JHY: variants seen among roughly 807,000 people sequenced by gnomAD.
JHY encodes the protein junctional cadherin complex regulator.
Under a neutral mutation model 78.0 loss-of-function variants are expected in JHY, and 69 were observed. The observed-to-expected ratio is 0.88, with a 90% CI of 0.73 to 1.08. The LOEUF (loss-of-function observed/expected upper bound fraction) is 1.08. Among genes scored for constraint, JHY ranks in the 50% least tolerant of loss-of-function variants. The pLI is 0.00. For missense variants in JHY, 944 were observed against 927.8 expected (o/e 1.02, Z -0.23); for synonymous variants, 368 against 342.6 (o/e 1.07, Z -0.82).
At chr11:122,896,738 G>T (rs2135293844) in intron 2 of JHY, among the ~76,000 whole-genome samples, 1 of 152,354 alleles carries the variant, frequency 6.6e-6, no homozygotes, top group African/African-American at 2.4e-5. Context: ...GACTGAATGT[G>T]ACGTACAGCA....
At chr11:122,926,698 A>C (rs1186159596) in intron 4 of JHY, among the ~76,000 whole-genome samples, 1 of 152,236 alleles carries the variant, frequency 6.6e-6, no homozygotes, top group East Asian at 1.9e-4. Flanking sequence ...GAAATACCTT[A>C]AGATTTGCCA....
rs879432982 is a variant in JHY, at chr11:122,892,326, A to AT, written c.344+6147dup. ...AAAAAAGGGACTCATAATAATCTGC[A>AT]TTTTTTTTTTTTTTGAGATGGAGTC... is the stretch of plus-strand genomic sequence containing the variant. On this transcript the variant is annotated intron_variant, in intron 2 of 8. Coordinates refer to ENST00000227349, the MANE Select transcript of JHY (RefSeq NM_024806.4). Among the ~76,000 whole-genome samples the AT allele has an allele frequency of 1.0e-4, 15 of 146,594 alleles. No homozygotes were observed. In the South Asian group the frequency reaches 2.7e-3, roughly 27 times the overall value.
At chr11:122,899,267 T>C (rs2135298119) in intron 2 of JHY, among the ~76,000 whole-genome samples, 1 of 152,342 alleles carries the variant, frequency 6.6e-6, no homozygotes, top group Admixed American at 6.5e-5. Flanking sequence ...ATTAAGAAAG[T>C]TAAATTCAGT....
At chr11:122,890,681 T>G (rs1350071033) in intron 2 of JHY, among the ~76,000 whole-genome samples, 4 of 152,218 alleles carry the variant, frequency 2.6e-5, no homozygotes, top group Admixed American at 6.5e-5. Flanking sequence ...TACAATCTAA[T>G]ATGTTTCAAA....
At chr11:122,920,647 A>G (rs956480967) in intron 3 of JHY, among the ~76,000 whole-genome samples, 1 of 152,148 alleles carries the variant, frequency 6.6e-6, no homozygotes. Flanking sequence ...AGCTGTACTC[A>G]ATCTGAGTTG....
chr11:122,946,829 A>G (rs1179453798), intron 6 of JHY, 37 bp downstream of exon 6: 8 of 1,568,346 alleles, frequency 5.1e-6, no homozygotes, highest in Non-Finnish European at 6.9e-6. Context: ...TAACTCTTCC[A>G]TTTTGAGAAT....
intron 3 of JHY, among the ~76,000 whole-genome samples, chr11:122,909,825 T>A (rs908489644): frequency 6.6e-6 from 1 of 152,136 alleles, no homozygotes; most frequent in Admixed American, 6.6e-5. Context: ...TAGAGCGTGC[T>A]AAGATCAGTG....
At chr11:122,933,174 A>G (rs1442547241) in intron 4 of JHY, among the ~76,000 whole-genome samples, 1 of 152,238 alleles carries the variant, frequency 6.6e-6, no homozygotes, top group Non-Finnish European at 1.5e-5. Context: ...GAAAAGAGAA[A>G]TCAAAGCTGA....
chr11:122,904,285 T>G lies in JHY; in HGVS notation c.705T>G (p.His235Gln), dbSNP rs1315781783. 1 of 1,614,106 alleles carries G rather than the reference T, an allele frequency of 6.2e-7. No homozygotes were observed. The highest frequency in any genetic ancestry group is 8.5e-7 in the Non-Finnish European group (1 of 1,180,018). The change falls in exon 3 of 9, where the codon CAT becomes CAG. Residue 235 changes from histidine (H) to glutamine (Q), a missense_variant. Physicochemically the swap from His to Gln is conservative, Grantham distance 24 (BLOSUM62 0). Coordinates refer to ENST00000227349, the MANE Select transcript of JHY (RefSeq NM_024806.4). The part of the protein sequence containing the change: ...LSPYVKSSSS[H>Q]NEVFLPGSRG... Reference sequence around the variant, plus strand: ...CGTACGTGAAGAGCTCAAGTTCACATAACGAGGTTTTCCTGCCGGGATCAC... The same window carrying G: ...CGTACGTGAAGAGCTCAAGTTCACAGAACGAGGTTTTCCTGCCGGGATCAC...
intron 6 of JHY, 64 bp downstream of exon 6, chr11:122,946,856 G>A: frequency 6.5e-7 from 1 of 1,531,388 alleles, no homozygotes; most frequent in South Asian, 1.3e-5. Context: ...GGACCTTGAT[G>A]TAATTATAGC....
In JHY at chr11:122,946,621, G is replaced by C. The variant is rs141025437; in HGVS notation, c.1758G>C (p.Gly586=). 1.4e-3 allele frequency: 2,213 copies of C among 1,614,086 alleles called. 4 individuals are homozygous for C. The highest frequency in any genetic ancestry group is 1.7e-3 in the Non-Finnish European group (2,026 of 1,180,020). The part of the protein sequence containing the change: ...VQLTDVQPSE[G]ALSSVTLPPI... Reference sequence around the variant, plus strand: ...TGACCGACGTGCAGCCCAGTGAAGGGGCCTTATCCAGCGTCACGCTTCCAC... The same window carrying C: ...TGACCGACGTGCAGCCCAGTGAAGGCGCCTTATCCAGCGTCACGCTTCCAC... Residue 586 remains glycine, a synonymous_variant, in exon 6 of 9, where the codon GGG becomes GGC. Transcript: ENST00000227349.
intron 3 of JHY, among the ~76,000 whole-genome samples, chr11:122,923,616 A>G (rs1015700779): frequency 6.6e-6 from 1 of 152,226 alleles, no homozygotes; most frequent in African/African-American, 2.4e-5. Flanking sequence ...TAAATAACTT[A>G]GGAACCTAAA....
intron 8 of JHY, 64 bp downstream of exon 8, chr11:122,957,555 GC>G: frequency 4.1e-6 from 4 of 982,098 alleles, no homozygotes; most frequent in South Asian, 1.7e-5. Flanking sequence ...TTTTATTATC[GC>G]TTTTTTTTTT....
chr11:122,929,412 C>T (rs1419954111), intron 4 of JHY, among the ~76,000 whole-genome samples: 1 of 152,060 alleles, frequency 6.6e-6, no homozygotes, highest in Non-Finnish European at 1.5e-5. Flanking sequence ...CCATAGGAGT[C>T]AGTATCTCAG....
Position 122,956,164 on chromosome 11 carries a change from A to T in JHY, c.1930-332A>T, listed in dbSNP as rs560313801. Among the ~76,000 whole-genome samples the T allele has an allele frequency of 2.6e-3, 398 of 151,862 alleles. 1 individual carries two copies. Among genetic ancestry groups the T allele is most frequent in the African/African-American group, 7.2e-3 (295 of 41,240 alleles). On this transcript the variant is annotated intron_variant, in intron 6 of 8. Transcript: ENST00000227349. Reference sequence around the variant, plus strand: ...GCAAAACCAGGTATCTCCAAAAAAAAAAAAATAAAATAAAAAACATTCGTA... The same window carrying T: ...GCAAAACCAGGTATCTCCAAAAAAATAAAAATAAAATAAAAAACATTCGTA...
Position 122,963,064 on chromosome 11 carries a change from T to G in JHY, c.*3619T>G, listed in dbSNP as rs1286939404. On this transcript the variant is annotated 3_prime_UTR_variant, in exon 9 of 9. Transcript: ENST00000227349. ...TAATAGTTTTTTAGCATGTACAATC[T>G]GCCAACTTCCTTACAACATTGATAA... Among the ~76,000 whole-genome samples, 3 of 152,180 alleles carry G rather than the reference T, an allele frequency of 2.0e-5. No homozygotes were observed. The highest frequency in any genetic ancestry group is 4.4e-5 in the Non-Finnish European group (3 of 68,014).
chr11:122,945,534 T>C (rs1293739080), intron 5 of JHY, among the ~76,000 whole-genome samples: 1 of 152,216 alleles, frequency 6.6e-6, no homozygotes, highest in Non-Finnish European at 1.5e-5. Flanking sequence ...ACTCTCATAT[T>C]TGGTAGATTA....
rs114566861 is a variant in JHY at position 122,929,956 on chromosome 11, C to T, written c.979-4464C>T. ...GGTGGCCTGAACAGAGCAATTTCAG[C>T]GGGATGGGGAGAAGGAACGCTCTAT... On this transcript the variant is annotated intron_variant, in intron 4 of 8. Coordinates refer to ENST00000227349, the MANE Select transcript of JHY (RefSeq NM_024806.4). Among the ~76,000 whole-genome samples the T allele has an allele frequency of 3.8e-3, 584 of 152,168 alleles. 3 individuals are homozygous for T. Among genetic ancestry groups the T allele is most frequent in the African/African-American group, 0.013 (551 of 41,504 alleles).
intron 2 of JHY, among the ~76,000 whole-genome samples, chr11:122,890,335 T>C (rs1280888199): frequency 6.6e-6 from 1 of 152,110 alleles, no homozygotes; most frequent in Non-Finnish European, 1.5e-5. Flanking sequence ...CTTTAAAAGT[T>C]ATATTATACC....
Sources: gnomAD v4.1 joint callset for allele counts (sites outside exome capture counted in the v4.1 genomes callset) on GRCh38, gnomAD v4.1.1 for gene constraint, MANE v1.5 for transcripts, NCBI Gene and HGNC (gene_info 2026-07-23, HGNC 2026-07-21) for gene names.